The following MAPK4 variants were observed in gnomAD, a reference collection of about 807,000 sequenced individuals.
MAPK4 encodes the protein mitogen-activated protein kinase 4, also known as Erk3-related.
A neutral mutation model predicts 47.7 loss-of-function variants in MAPK4; 22 were observed. That is an observed-to-expected ratio of 0.46 (90% CI 0.33 to 0.66). The LOEUF (loss-of-function observed/expected upper bound fraction) is 0.66. MAPK4 is among the 30% of genes least tolerant of loss of function. MAPK4 has a pLI of 0.02. For synonymous variants in MAPK4, 390 were observed against 365.7 expected, an observed-to-expected ratio of 1.07 and a Z score of -0.76; for missense variants, 736 against 831.7, an observed-to-expected ratio of 0.88 and a Z score of 1.42.
chr18:50,681,302 G>C (rs1159002572), intron 2 of MAPK4, among the ~76,000 whole-genome samples: 2 of 152,090 alleles, frequency 1.3e-5, no homozygotes, highest in Admixed American at 1.3e-4. Flanking sequence ...CCAAATGTAA[G>C]TCCCTTATTA....
chr18:50,687,199 A>G lies in MAPK4; in HGVS notation c.546+22695A>G, dbSNP rs919535810. 3.7e-4 allele frequency among the ~76,000 whole-genome samples: 56 copies of G among 151,614 alleles called. 1 individual carries two copies. Among genetic ancestry groups the G allele is most frequent in the Admixed American group, 8.5e-4 (13 of 15,210 alleles). On this transcript the variant is annotated intron_variant, in intron 2 of 5. Coordinates refer to ENST00000400384, the MANE Select transcript of MAPK4 (RefSeq NM_002747.4). ...ACCATGCCTGGCTAATTTTTTTTCT[A>G]TTTTTTATAGAGACAGGTTCTCACT...
intron 2 of MAPK4, among the ~76,000 whole-genome samples, chr18:50,686,862 A>T (rs1177418973): frequency 6.6e-6 from 1 of 152,224 alleles, no homozygotes; most frequent in Non-Finnish European, 1.5e-5. Context: ...GAGCAGATGG[A>T]TCTGAGGTCC....
At position 50,606,473 on chromosome 18, in the gene MAPK4, A is replaced by G. The variant is rs2042584260; in HGVS notation, c.-871+46230A>G. On this transcript the variant is annotated intron_variant, in intron 1 of 5. Coordinates refer to ENST00000400384, the MANE Select transcript of MAPK4 (RefSeq NM_002747.4). ...TGCCTGCATCTAGAAAAGTAATGCA[A>G]AAATGCTGCCCTATCTATTGGTAGC... Among the ~76,000 whole-genome samples, 3 of 152,216 alleles carry G rather than the reference A, an allele frequency of 2.0e-5. No individual in the cohort carries two copies. The South Asian group carries it at 6.2e-4, about 32-fold the overall frequency.
At chr18:50,726,450 G>A (rs1259986127) in intron 5 of MAPK4, among the ~76,000 whole-genome samples, 5 of 152,140 alleles carry the variant, frequency 3.3e-5, no homozygotes, top group East Asian at 1.9e-4. Flanking sequence ...ACAGTGCTCC[G>A]CAAGGATTTA....
chr18:50,633,995 G>C (rs1014329047), intron 1 of MAPK4, among the ~76,000 whole-genome samples: 3 of 152,202 alleles, frequency 2.0e-5, no homozygotes, highest in African/African-American at 7.2e-5. Context: ...TGGGGAGGGG[G>C]AGGAGGTGTA....
intron 1 of MAPK4, among the ~76,000 whole-genome samples, chr18:50,587,933 G>C (rs1272071255): frequency 6.6e-6 from 1 of 152,002 alleles, no homozygotes; most frequent in Non-Finnish European, 1.5e-5. Flanking sequence ...GTTTCACCAT[G>C]TTGGCCAGGC....
rs28537142 is a variant in MAPK4, at chr18:50,664,897, G to C, written c.546+393G>C. ...CTGTGTGCTCAGGACACACCCTGAGGCTTCCCACCCTGTGAGCCTCATGCT... is the reference window on the plus strand; with the variant it reads ...CTGTGTGCTCAGGACACACCCTGAGCCTTCCCACCCTGTGAGCCTCATGCT... On this transcript the variant is annotated intron_variant, in intron 2 of 5. Transcript: ENST00000400384. The surrounding 1 kb of genome is among the most constrained non-coding windows in gnomAD (Gnocchi z 6.0). Among the ~76,000 whole-genome samples, 1 of 152,024 alleles carries C rather than the reference G, an allele frequency of 6.6e-6. No individual in the cohort carries two copies. Among genetic ancestry groups the C allele is most frequent in the Non-Finnish European group, 1.5e-5 (1 of 68,006 alleles).
At position 50,616,914 on chromosome 18, in the gene MAPK4, A is replaced by G. The variant is rs140679824; in HGVS notation, c.-870-46175A>G. Among the ~76,000 whole-genome samples, 760 of 152,312 alleles carry G rather than the reference A, an allele frequency of 5.0e-3. 7 individuals are homozygous for G. The highest frequency in any genetic ancestry group is 0.04 in the East Asian group (210 of 5,190). Reference sequence around the variant, plus strand: ...GCAACACCCTCATAGACATACCCAGAAACAATACTTTGTATCCTTCAATCC... The same window carrying G: ...GCAACACCCTCATAGACATACCCAGGAACAATACTTTGTATCCTTCAATCC... On this transcript the variant is annotated intron_variant, in intron 1 of 5. Coordinates refer to ENST00000400384, the MANE Select transcript of MAPK4 (RefSeq NM_002747.4).
intron 1 of MAPK4, among the ~76,000 whole-genome samples, chr18:50,594,027 A>G (rs887671851): frequency 6.6e-6 from 1 of 152,226 alleles, no homozygotes; most frequent in African/African-American, 2.4e-5. Context: ...AAGGCCCAAG[A>G]GACCCTGGCA....
chr18:50,662,353 C>T (rs1907316262), intron 1 of MAPK4, among the ~76,000 whole-genome samples: 1 of 152,178 alleles, frequency 6.6e-6, no homozygotes. Flanking sequence ...GAGTCAACAG[C>T]CACCAGAGGG....
Position 50,664,573 on chromosome 18 carries a change from A to G in MAPK4, c.546+69A>G. The G allele has an allele frequency of 6.8e-7, 1 of 1,471,514 alleles. No individual in the cohort carries two copies. Among genetic ancestry groups the G allele is most frequent in the East Asian group, 2.3e-5 (1 of 43,872 alleles). 91.2% of individuals were successfully genotyped at this position (1,471,514 alleles called of 1,614,324 possible). ...CCCAAGAATACTTGCAGCATTCCCA[A>G]GCTATTCCTAGCTCCATGGTAGTCA... On this transcript the variant is annotated intron_variant, in intron 2 of 5. Transcript: ENST00000400384. This position sits in a 1 kb window ranked among gnomAD's most constrained non-coding sequence, Gnocchi z 6.0.
In MAPK4 at chr18:50,663,780, TGAC is replaced by T; in HGVS notation, c.-178_-176del. 3 of 584,586 alleles carry T rather than the reference TGAC, an allele frequency of 5.1e-6. No homozygotes were observed. The highest frequency in any genetic ancestry group is 3.0e-5 in the Admixed American group (1 of 33,046). The allele number at this position is 584,586 out of a possible 1,614,324, so 36.2% of individuals were successfully genotyped here. ...CCCAACTAGCACAGCTCAGCGAGCA[TGAC>T]CATATGCCATTCTCGTCTCCAGAGA... is the stretch of plus-strand genomic sequence containing the variant. On this transcript the variant is annotated 5_prime_UTR_variant, in exon 2 of 6. An upstream start codon of the reference 5' UTR is lost. Transcript: ENST00000400384.
intron 1 of MAPK4, among the ~76,000 whole-genome samples, chr18:50,643,391 A>T (rs1329222369): frequency 1.3e-5 from 2 of 152,182 alleles, no homozygotes. Flanking sequence ...GGTGGTGCAC[A>T]CTTGTAATCC....
chr18:50,707,989 A>G (rs920234545), intron 2 of MAPK4, among the ~76,000 whole-genome samples: 32 of 152,346 alleles, frequency 2.1e-4, no homozygotes, highest in African/African-American at 7.5e-4. Flanking sequence ...TGATTTAGCC[A>G]AACGATTTCT....
At chr18:50,722,389 T>G (rs755671112) in intron 4 of MAPK4, among the ~76,000 whole-genome samples, 28 of 152,178 alleles carry the variant, frequency 1.8e-4, no homozygotes, top group Non-Finnish European at 3.4e-4. Flanking sequence ...TCATCCTCCC[T>G]CACATTTTTG....
At chr18:50,673,311 A>C (rs1472731920) in intron 2 of MAPK4, among the ~76,000 whole-genome samples, 1 of 152,176 alleles carries the variant, frequency 6.6e-6, no homozygotes, top group Non-Finnish European at 1.5e-5. Flanking sequence ...AAAGGGATCA[A>C]CAGCCCCCTC....
At chr18:50,632,001 T>C (rs1389545362) in intron 1 of MAPK4, among the ~76,000 whole-genome samples, 3 of 152,210 alleles carry the variant, frequency 2.0e-5, no homozygotes, top group Non-Finnish European at 4.4e-5. Flanking sequence ...GTTAGGTGTC[T>C]GTTGCTGTTG....
chr18:50,573,672 A>G (rs2042269414), intron 1 of MAPK4, among the ~76,000 whole-genome samples: 1 of 152,162 alleles, frequency 6.6e-6, no homozygotes, highest in African/African-American at 2.4e-5. Flanking sequence ...TCTTCCATGA[A>G]ATTGGTACCT....
chr18:50,580,571 G>T (rs1292177521), intron 1 of MAPK4, among the ~76,000 whole-genome samples: 1 of 152,150 alleles, frequency 6.6e-6, no homozygotes, highest in African/African-American at 2.4e-5. Flanking sequence ...CCTATGGCTG[G>T]CTAAGGCCAA....
Sources: allele counts gnomAD v4.1 joint callset (sites outside exome capture counted in the v4.1 genomes callset), GRCh38; gene constraint gnomAD v4.1.1; non-coding constraint Gnocchi (gnomAD v3.1); transcripts MANE v1.5; gene names NCBI Gene and HGNC (gene_info 2026-07-23, HGNC 2026-07-21).